The following RB1CC1 variants were observed in gnomAD, a reference collection of about 807,000 sequenced individuals.
The protein encoded by RB1CC1 is RB1 inducible coiled-coil 1, also known as RB1-inducible coiled-coil protein 1.
A neutral mutation model predicts 177.5 loss-of-function variants in RB1CC1; 46 were observed. That is an observed-to-expected ratio of 0.26 (90% CI 0.20 to 0.33). The LOEUF is 0.33. Among genes scored for constraint, RB1CC1 ranks in the 10% least tolerant of loss-of-function variants. The pLI is 1.00. For synonymous variants in RB1CC1, 666 were observed against 613.6 expected, an observed-to-expected ratio of 1.09 and a Z score of -1.26; for missense variants, 1,703 against 1,816.3, an observed-to-expected ratio of 0.94 and a Z score of 1.13.
intron 16 of RB1CC1, 84 bp downstream of exon 16, chr8:52,645,618 C>G (rs1221176688): frequency 1.9e-5 from 26 of 1,366,012 alleles, no homozygotes; most frequent in Admixed American, 1.4e-4. Context: ...TATAAGAAAC[C>G]CTCAGCTACA....
At chr8:52,638,466 C>T (rs57282243) in intron 18 of RB1CC1, among the ~76,000 whole-genome samples, 2,502 of 152,102 alleles carry the variant, frequency 0.016, 68 homozygotes, top group African/African-American at 0.056. Flanking sequence ...GTATATAATA[C>T]TGGCCTCAGA....
At chr8:52,662,691 T>C (rs966969472) in intron 8 of RB1CC1, among the ~76,000 whole-genome samples, 2 of 152,072 alleles carry the variant, frequency 1.3e-5, no homozygotes, top group African/African-American at 2.4e-5. Flanking sequence ...GTTTCATGTT[T>C]TCCTAAATAT....
chr8:52,674,560 G>A (rs953651129), intron 6 of RB1CC1, among the ~76,000 whole-genome samples: 11 of 152,162 alleles, frequency 7.2e-5, no homozygotes, highest in African/African-American at 2.7e-4. Context: ...TTTGAGGTCA[G>A]GAGTTTGAGA....
intron 1 of RB1CC1, among the ~76,000 whole-genome samples, chr8:52,693,742 G>A (rs1329905684): frequency 2.0e-5 from 3 of 152,042 alleles, no homozygotes; most frequent in Non-Finnish European, 2.9e-5. Flanking sequence ...ACACACGGGG[G>A]TAGGATGGGG....
Position 52,668,067 on chromosome 8 carries a change from A to G in RB1CC1, c.1127T>C (p.Ile376Thr). The change falls in exon 8 of 24, where the codon ATT (isoleucine) becomes ACT (threonine). Residue 376 changes from isoleucine (I) to threonine (T), a missense_variant. Coordinates refer to ENST00000025008, the MANE Select transcript of RB1CC1 (RefSeq NM_014781.5). ...ATTCACCAGTCGGCCACAGCTAGCAATCATCTGGTCCAGGGCGTAGAGCCG... is the reference window on the plus strand; with the variant it reads ...ATTCACCAGTCGGCCACAGCTAGCAGTCATCTGGTCCAGGGCGTAGAGCCG... ...EDRLYALDQM[I>T]ASCGRLVNEQ... The G allele has an allele frequency of 6.2e-7, 1 of 1,614,124 alleles. No homozygotes were observed. Among genetic ancestry groups the G allele is most frequent in the South Asian group, 1.1e-5 (1 of 91,080 alleles).
chr8:52,696,999 TCAAAACAAAAAA>T (rs1855476533), intron 1 of RB1CC1, among the ~76,000 whole-genome samples: 2 of 151,752 alleles, frequency 1.3e-5, no homozygotes, highest in African/African-American at 4.8e-5. Flanking sequence ...AGAGACCGTC[TCAAAACAAAAAA>T]CAAAACAAAA....
chr8:52,699,111 C>G (rs1053587269), intron 1 of RB1CC1, among the ~76,000 whole-genome samples: 3 of 152,104 alleles, frequency 2.0e-5, no homozygotes, highest in African/African-American at 7.2e-5. Flanking sequence ...TGGTAATACT[C>G]CAGTAAAACA....
At chr8:52,648,842 G>A (rs1402619926) in intron 15 of RB1CC1, among the ~76,000 whole-genome samples, 1 of 151,888 alleles carries the variant, frequency 6.6e-6, no homozygotes, top group Non-Finnish European at 1.5e-5. Context: ...TCACTTAAAC[G>A]AAGCACTTCA....
At chr8:52,688,412 G>A (rs774055006) in intron 1 of RB1CC1, among the ~76,000 whole-genome samples, 10 of 152,172 alleles carry the variant, frequency 6.6e-5, no homozygotes, top group Non-Finnish European at 1.3e-4. Flanking sequence ...GGGAACGCCT[G>A]TCTTATGCGG....
chr8:52,645,059 A>C (rs1310873591), intron 16 of RB1CC1, among the ~76,000 whole-genome samples: 1 of 152,158 alleles, frequency 6.6e-6, no homozygotes, highest in African/African-American at 2.4e-5. Context: ...CCGGTACTTT[A>C]GGTAAAGTAC....
At position 52,705,387 on chromosome 8, in the gene RB1CC1, A is replaced by G. The variant is rs116380884; in HGVS notation, c.-167+8688T>C. ...AGGTACATATTCACTAATGAGAACTAAAACATCAACAAGGTACTACTTTTT... is the reference window on the plus strand; with the variant it reads ...AGGTACATATTCACTAATGAGAACTGAAACATCAACAAGGTACTACTTTTT... On this transcript the variant is annotated intron_variant, in intron 1 of 23. Transcript: ENST00000025008. Among the ~76,000 whole-genome samples, 330 of 152,348 alleles carry G rather than the reference A, an allele frequency of 2.2e-3. 2 individuals are homozygous for G. Among genetic ancestry groups the G allele is most frequent in the African/African-American group, 7.7e-3 (319 of 41,584 alleles).
chr8:52,623,552 T>TAA lies in RB1CC1; in HGVS notation c.*228_*229dup, dbSNP rs199511696. ...GTCCGCATTTCTAGAGTTGTCTGGG[T>TAA]AAAAAAAAAAACCAAAAAACAAAAA... is the stretch of plus-strand genomic sequence containing the variant. On this transcript the variant is annotated 3_prime_UTR_variant, in exon 24 of 24. Transcript: ENST00000025008. 2.6e-4 allele frequency: 107 copies of TAA among 413,482 alleles called. No individual in the cohort carries two copies. The highest frequency in any genetic ancestry group is 8.3e-4 in the East Asian group (17 of 20,370). The allele number at this position is 413,482 out of a possible 1,614,324, so 25.6% of individuals were successfully genotyped here.
intron 21 of RB1CC1, among the ~76,000 whole-genome samples, chr8:52,629,052 T>C (rs1188493593): frequency 6.6e-6 from 1 of 152,190 alleles, no homozygotes; most frequent in Admixed American, 6.5e-5. Flanking sequence ...AGCTCCTCTC[T>C]CTCTAGTCTC....
intron 1 of RB1CC1, among the ~76,000 whole-genome samples, chr8:52,702,725 A>C (rs1856192884): frequency 6.6e-6 from 1 of 152,186 alleles, no homozygotes; most frequent in East Asian, 1.9e-4. Context: ...AAAGAAAAGA[A>C]GAAGAAAAAA....
chr8:52,693,737 C>A (rs769645896), intron 1 of RB1CC1, among the ~76,000 whole-genome samples: 1 of 151,712 alleles, frequency 6.6e-6, no homozygotes, highest in Non-Finnish European at 1.5e-5. Context: ...TATAGACACA[C>A]GGGGGTAGGA....
In RB1CC1 at chr8:52,622,764, AGT is replaced by A. The variant is rs1848144413; in HGVS notation, c.*1016_*1017del. The A allele has an allele frequency of 3.3e-5, 5 of 151,852 alleles. No individual in the cohort carries two copies. Among genetic ancestry groups the A allele is most frequent in the African/African-American group, 1.2e-4 (5 of 41,378 alleles). The allele number at this position is 151,852 out of a possible 1,614,324, so 9.4% of individuals were successfully genotyped here. A position where few individuals can be genotyped will look rare whatever the true frequency, so the allele number is the denominator to read the frequency against. On this transcript the variant is annotated 3_prime_UTR_variant, in exon 24 of 24. Coordinates refer to ENST00000025008, the MANE Select transcript of RB1CC1 (RefSeq NM_014781.5). ...CTGTTTACCCTGTTACATAGTATAT[AGT>A]TAAAGAACATTTTTGTAATAAACAT...
At chr8:52,670,127 C>CG (rs1339463224) in intron 7 of RB1CC1, among the ~76,000 whole-genome samples, 5 of 152,066 alleles carry the variant, frequency 3.3e-5, no homozygotes, top group African/African-American at 9.7e-5. Flanking sequence ...ACATGGGTAT[C>CG]GCCCTGTTAC....
At chr8:52,674,377 AC>A (rs1389972346) in intron 6 of RB1CC1, 103 bp from the exon 7 acceptor site, 1 of 991,160 alleles carries the variant, frequency 1.0e-6, no homozygotes, top group Non-Finnish European at 1.5e-6. Flanking sequence ...AAATCTCACC[AC>A]CTCTCCATAA....
intron 11 of RB1CC1, 37 bp downstream of exon 11, chr8:52,660,889 T>C (rs1156320087): frequency 6.5e-7 from 1 of 1,540,952 alleles, no homozygotes; most frequent in Non-Finnish European, 8.9e-7. Flanking sequence ...ACTTTTATCC[T>C]TTACAAAAGT....
Sources: gnomAD v4.1 joint callset for allele counts (sites outside exome capture counted in the v4.1 genomes callset) on GRCh38, gnomAD v4.1.1 for gene constraint, MANE v1.5 for transcripts, NCBI Gene and HGNC (gene_info 2026-07-23, HGNC 2026-07-21) for gene names.